The following TEAD1 variants were observed in gnomAD, a reference collection of about 807,000 sequenced individuals.
TEAD1 encodes TEA domain transcription factor 1, also known as transcriptional enhancer factor TEF-1.
TEAD1 carries 9 observed loss-of-function variants against 54.9 expected under a neutral mutation model. That is an observed-to-expected ratio of 0.16 (90% CI 0.10 to 0.29). The LOEUF (loss-of-function observed/expected upper bound fraction) is 0.29. TEAD1 is among the 10% of genes least tolerant of loss of function. TEAD1 has a pLI of 1.00. For synonymous variants in TEAD1, 200 were observed against 187.8 expected (o/e 1.07, Z -0.53); for missense variants, 387 against 535.9 (o/e 0.72, Z 2.74).
intron 2 of TEAD1, among the ~76,000 whole-genome samples, chr11:12,709,489 C>A (rs1360054633): frequency 6.6e-6 from 1 of 151,816 alleles, no homozygotes; most frequent in Non-Finnish European, 1.5e-5. Flanking sequence ...ATTCTCCTGT[C>A]TCAACTTCCT....
chr11:12,733,521 T>C (rs558064099), intron 2 of TEAD1, among the ~76,000 whole-genome samples: 45 of 152,298 alleles, frequency 3.0e-4, no homozygotes, highest in African/African-American at 1.1e-3. Context: ...GCCTTGGGAA[T>C]TTAACAGCTT....
intron 2 of TEAD1, among the ~76,000 whole-genome samples, chr11:12,734,778 A>G (rs1944493362): frequency 6.6e-6 from 1 of 152,230 alleles, no homozygotes; most frequent in African/African-American, 2.4e-5. Flanking sequence ...GTAGTAGGAT[A>G]TACCATGTAG....
At chr11:12,735,562 A>AT (rs58093822) in intron 2 of TEAD1, among the ~76,000 whole-genome samples, 12,701 of 120,980 alleles carry the variant, frequency 0.1, 717 homozygotes, top group Non-Finnish European at 0.14. Context: ...TCCTGGTTCG[A>AT]TTTTTTTTTT....
intron 3 of TEAD1, among the ~76,000 whole-genome samples, chr11:12,827,773 G>A (rs556135599): frequency 6.6e-6 from 1 of 152,288 alleles, no homozygotes; most frequent in East Asian, 1.9e-4. Flanking sequence ...TGATATGGGA[G>A]AAGGAGAAAA....
chr11:12,786,814 G>A (rs118080160), intron 3 of TEAD1, among the ~76,000 whole-genome samples: 3,647 of 152,272 alleles, frequency 0.024, 78 homozygotes, highest in Non-Finnish European at 0.033. Context: ...TGATAAAGAG[G>A]AAAATAAAGC....
chr11:12,683,692 A>T (rs965291687), intron 2 of TEAD1, among the ~76,000 whole-genome samples: 4 of 152,192 alleles, frequency 2.6e-5, no homozygotes, highest in Non-Finnish European at 4.4e-5. Context: ...TAACCCTCGC[A>T]TATCGATACG....
At chr11:12,687,623 A>G (rs952395051) in intron 2 of TEAD1, among the ~76,000 whole-genome samples, 3 of 152,120 alleles carry the variant, frequency 2.0e-5, no homozygotes, top group Non-Finnish European at 4.4e-5. Context: ...AAACAAAGGT[A>G]GGCTTCTCAT....
At chr11:12,821,756 C>T (rs1946549613) in intron 3 of TEAD1, among the ~76,000 whole-genome samples, 1 of 151,954 alleles carries the variant, frequency 6.6e-6, no homozygotes, top group Non-Finnish European at 1.5e-5. Flanking sequence ...GAACCTATGG[C>T]CGGATATGAA....
At chr11:12,847,243 G>C (rs1947174428) in intron 3 of TEAD1, among the ~76,000 whole-genome samples, 1 of 152,178 alleles carries the variant, frequency 6.6e-6, no homozygotes, top group Admixed American at 6.5e-5. Context: ...TCTTCATGCA[G>C]GGCCAGAGGT....
At chr11:12,744,981 C>T (rs1944718114) in intron 2 of TEAD1, among the ~76,000 whole-genome samples, 1 of 152,298 alleles carries the variant, frequency 6.6e-6, no homozygotes, top group South Asian at 2.1e-4. Context: ...GCTCTGCTGG[C>T]TAACCTTGTC....
intron 3 of TEAD1, among the ~76,000 whole-genome samples, chr11:12,825,892 G>A (rs981182141): frequency 2.2e-4 from 33 of 152,172 alleles, no homozygotes; most frequent in African/African-American, 7.7e-4. Flanking sequence ...TCTCTACAGA[G>A]GTACCAAAGC....
At chr11:12,820,848 T>G (rs1329305257) in intron 3 of TEAD1, among the ~76,000 whole-genome samples, 2 of 152,162 alleles carry the variant, frequency 1.3e-5, no homozygotes, top group African/African-American at 4.8e-5. Context: ...AGCGAACAAT[T>G]TTAAGATGAC....
intron 2 of TEAD1, among the ~76,000 whole-genome samples, chr11:12,716,896 C>T (rs764062438): frequency 5.3e-5 from 8 of 152,214 alleles, no homozygotes; most frequent in Non-Finnish European, 1.0e-4. Flanking sequence ...CCTGGCTCTG[C>T]GTTCCCGACA....
At chr11:12,733,927 C>T (rs542981194) in intron 2 of TEAD1, among the ~76,000 whole-genome samples, 2 of 152,210 alleles carry the variant, frequency 1.3e-5, no homozygotes, top group Non-Finnish European at 2.9e-5. Flanking sequence ...CCACCTCCCC[C>T]GCCCCCTCTA....
chr11:12,787,765 T>C (rs1945708948), intron 3 of TEAD1, among the ~76,000 whole-genome samples: 2 of 152,218 alleles, frequency 1.3e-5, no homozygotes, highest in African/African-American at 4.8e-5. Flanking sequence ...CATAAATTTA[T>C]GTACTTAATT....
chr11:12,718,191 A>G (rs1371158913), intron 2 of TEAD1, among the ~76,000 whole-genome samples: 1 of 152,164 alleles, frequency 6.6e-6, no homozygotes, highest in South Asian at 2.1e-4. Context: ...GACGTGCCCC[A>G]GGCATTCTTT....
chr11:12,757,871 C>A (rs1458332679), intron 2 of TEAD1, among the ~76,000 whole-genome samples: 1 of 152,032 alleles, frequency 6.6e-6, no homozygotes, highest in Non-Finnish European at 1.5e-5. Flanking sequence ...TCTCTGCCTC[C>A]CAAATTCAAG....
At chr11:12,823,898 C>T (rs1246829815) in intron 3 of TEAD1, among the ~76,000 whole-genome samples, 1 of 152,062 alleles carries the variant, frequency 6.6e-6, no homozygotes, top group Non-Finnish European at 1.5e-5. Flanking sequence ...GAAGAGTTCC[C>T]ATCATAAAAT....
At chr11:12,811,733 G>T (rs780660186) in intron 3 of TEAD1, among the ~76,000 whole-genome samples, 7 of 151,848 alleles carry the variant, frequency 4.6e-5, no homozygotes, top group Non-Finnish European at 7.4e-5. Context: ...GAATAGGTCT[G>T]TGAGAGGTCT....
Sources: allele counts gnomAD v4.1 joint callset (sites outside exome capture counted in the v4.1 genomes callset), GRCh38; gene constraint gnomAD v4.1.1; transcripts MANE v1.5; gene names NCBI Gene and HGNC (gene_info 2026-07-23, HGNC 2026-07-21).